The following ARAP1 variants were observed in gnomAD, a reference collection of about 807,000 sequenced individuals.
ARAP1 encodes arf-GAP with Rho-GAP domain, ANK repeat and PH domain-containing protein 1.
A neutral mutation model predicts 172.2 loss-of-function variants in ARAP1; 76 were observed. The observed-to-expected ratio is 0.44, with a 90% CI of 0.37 to 0.53. ARAP1 has a LOEUF of 0.53. Ranked by LOEUF, ARAP1 falls within the 20% of genes least tolerant of loss-of-function variation. The pLI is 0.00. For synonymous variants in ARAP1, 804 were observed against 803.3 expected (o/e 1.00, Z -0.01); for missense variants, 1,686 against 1,977.5 (o/e 0.85, Z 2.80).
rs1364831787 is a variant in ARAP1, at chr11:72,695,884, G to A, written c.3273-19C>T. 6.2e-7 allele frequency: 1 copy of A among 1,602,612 alleles called. No individual in the cohort carries two copies. ...CTGAACACTGGAGAGGGGAGGAGGA[G>A]GGCTTTGAGTGAGGAGTCAGGCCAG... On this transcript the variant is annotated intron_variant, in intron 23 of 34. Transcript: ENST00000393609. The surrounding 1 kb of genome is among the most constrained non-coding windows in gnomAD (Gnocchi z 4.4).
At chr11:72,739,896 T>G (rs67809272) in intron 1 of ARAP1, among the ~76,000 whole-genome samples, 4 of 152,018 alleles carry the variant, frequency 2.6e-5, no homozygotes, top group Non-Finnish European at 4.4e-5. Context: ...CATGTCCCCC[T>G]GCAGAGCTCC....
chr11:72,729,374 C>T (rs1007410621), intron 2 of ARAP1, among the ~76,000 whole-genome samples: 3 of 152,180 alleles, frequency 2.0e-5, no homozygotes, highest in African/African-American at 7.2e-5. Flanking sequence ...GGCAGATCCC[C>T]TGAGGTCAGG....
At chr11:72,713,050 T>G (rs530543157) in intron 5 of ARAP1, 126 bp downstream of exon 5, 1 of 985,172 alleles carries the variant, frequency 1.0e-6, no homozygotes, top group African/African-American at 1.6e-5. Context: ...GAGAGTGAGG[T>G]GGGGGAAGGG....
At chr11:72,707,465 G>C in intron 11 of ARAP1, 91 bp from the exon 12 acceptor site, 1 of 1,253,866 alleles carries the variant, frequency 8.0e-7, no homozygotes, top group African/African-American at 1.5e-5. Context: ...TGGGGGACAA[G>C]GTGTTGGGAG....
intron 1 of ARAP1, among the ~76,000 whole-genome samples, chr11:72,744,491 C>A (rs557440357): frequency 6.6e-6 from 1 of 152,300 alleles, no homozygotes; most frequent in East Asian, 1.9e-4. Context: ...TACCACACAA[C>A]CCAACCACCT....
intron 3 of ARAP1, among the ~76,000 whole-genome samples, chr11:72,715,279 C>A (rs545593344): frequency 6.6e-6 from 1 of 152,262 alleles, no homozygotes; most frequent in Non-Finnish European, 1.5e-5. Context: ...CAGGCTGGAA[C>A]AAGGTGCCTG....
intron 30 of ARAP1, among the ~76,000 whole-genome samples, chr11:72,689,860 G>C (rs1855864656): frequency 6.6e-6 from 1 of 152,190 alleles, no homozygotes; most frequent in Admixed American, 6.5e-5. Context: ...AGGAAATCAG[G>C]CTTCGGACAT....
intron 3 of ARAP1, among the ~76,000 whole-genome samples, chr11:72,720,536 G>A (rs921706633): frequency 3.9e-5 from 6 of 152,132 alleles, no homozygotes; most frequent in African/African-American, 1.4e-4. Flanking sequence ...TCCCAGCACA[G>A]AAGGGGCTTT....
At chr11:72,717,811 C>A (rs545910742) in intron 3 of ARAP1, among the ~76,000 whole-genome samples, 1 of 152,298 alleles carries the variant, frequency 6.6e-6, no homozygotes, top group African/African-American at 2.4e-5. Flanking sequence ...AACCGAGGCA[C>A]AGGGATGCTA....
rs1438948439 is a variant in ARAP1 at position 72,685,667 on chromosome 11, G to T, written c.4350C>A (p.Val1450=). 1.2e-6 allele frequency: 2 copies of T among 1,614,014 alleles called. No individual in the cohort carries two copies. Among genetic ancestry groups the T allele is most frequent in the African/African-American group, 2.7e-5 (2 of 74,952 alleles). Residue 1450 remains valine (V), a synonymous_variant, in exon 35 of 35, where the codon GTC becomes GTA. Transcript: ENST00000393609. ...TADPLSLLRN[V] is the part of the protein sequence containing the mutation. ...AGCCAAGGATGGGCTCCTGTGCTCA[G>T]ACGTTGCGCAGAAGCTGCAGGAAGG...
intron 3 of ARAP1, among the ~76,000 whole-genome samples, chr11:72,715,393 T>C (rs965877160): frequency 6.6e-6 from 1 of 152,084 alleles, no homozygotes; most frequent in Non-Finnish European, 1.5e-5. Flanking sequence ...TCTGTTGCCC[T>C]GGTGTTCCTG....
rs1300976761 is a variant in ARAP1 at position 72,710,082 on chromosome 11, G to T, written c.1417-106C>A. The T allele has an allele frequency of 5.8e-6, 6 of 1,042,476 alleles. No individual in the cohort carries two copies. Among genetic ancestry groups the T allele is most frequent in the African/African-American group, 1.6e-5 (1 of 63,678 alleles). The allele number at this position is 1,042,476 out of a possible 1,614,324, so 64.6% of individuals were successfully genotyped here. On this transcript the variant is annotated intron_variant, in intron 10 of 34. Coordinates refer to ENST00000393609, the MANE Select transcript of ARAP1 (RefSeq NM_001040118.3). The surrounding 1 kb of genome is among the most constrained non-coding windows in gnomAD (Gnocchi z 4.3). ...TGGTGCAACTCAGGGACTGGGGGGG[G>T]TGCCCAGGAGGGAGACAGCAGGGGA...
chr11:72,708,433 C>T (rs756236209), intron 11 of ARAP1: 36 of 153,262 alleles, frequency 2.3e-4, no homozygotes, highest in Non-Finnish European at 4.7e-4. Flanking sequence ...AACCCAGGAA[C>T]GGACAGGCCT....
chr11:72,708,823 G>A (rs1856882443), intron 11 of ARAP1, among the ~76,000 whole-genome samples: 1 of 152,174 alleles, frequency 6.6e-6, no homozygotes, highest in Non-Finnish European at 1.5e-5. Context: ...GATCACCTGA[G>A]GTCAGGAGTT....
rs1188944766 is a variant in ARAP1 at position 72,686,135 on chromosome 11, C to G, written c.4242G>C (p.Glu1414Asp). The change falls in exon 34 of 35, where the codon GAG becomes GAC. Residue 1414 changes from glutamate (E) to aspartate (D), a missense_variant. Glu to Asp is a conservative substitution (Grantham distance 45). This residue lies in a region of ARAP1 where 379 missense variants were observed against 500.1 expected (regional missense o/e 0.76). Coordinates refer to ENST00000393609, the MANE Select transcript of ARAP1 (RefSeq NM_001040118.3). ...TCAGTGACACACTACCCAGCCGGAC[C>G]TCAGGCACTGCCCGGGACACGCGTG... is the stretch of plus-strand genomic sequence containing the variant. ...EPSRVSRAVP[E>D]VRLGSVSLIP... The G allele has an allele frequency of 6.2e-7, 1 of 1,614,030 alleles. No individual in the cohort carries two copies. The highest frequency in any genetic ancestry group is 1.3e-5 in the African/African-American group (1 of 75,050).
Position 72,712,212 on chromosome 11 carries a change from T to C in ARAP1, c.1006A>G (p.Lys336Glu). The C allele has an allele frequency of 6.2e-7, 1 of 1,605,724 alleles. No homozygotes were observed. The highest frequency in any genetic ancestry group is 8.5e-7 in the Non-Finnish European group (1 of 1,177,464). The change falls in exon 7 of 35, where the codon AAG (lysine) becomes GAG (glutamate). Residue 336 changes from lysine to glutamate, a missense_variant. By Grantham distance (56) the Lys-to-Glu change is moderately conservative. Transcript: ENST00000393609. ...CTCACTCACCCCTGCGGTGGGTTCT[T>C]GTCCAGCCAGCCAGCCTTGATGACT... ...TPVIKAGWLDKNPPQGSYIYQ... is the reference protein window; with the variant it reads ...TPVIKAGWLDENPPQGSYIYQ...
chr11:72,702,989 G>T lies in ARAP1; in HGVS notation c.2083C>A (p.Pro695Thr), dbSNP rs1288706554. ...AGAGCCAGGGGCGTGGGGGCCTCAG[G>T]GTCCCCCGAGAAGCAGTTGATCCCA... is the stretch of plus-strand genomic sequence containing the variant. ...GAGINCFSGD[P>T]EAPTPLALAE... is the part of the protein sequence containing the mutation. Residue 695 changes from proline (P) to threonine (T), a missense_variant, in exon 15 of 35, where the codon CCT becomes ACT. Transcript: ENST00000393609. The T allele has an allele frequency of 1.3e-6, 2 of 1,570,526 alleles. No homozygotes were observed. Among genetic ancestry groups the T allele is most frequent in the Middle Eastern group, 1.7e-4 (1 of 5,928 alleles).
intron 14 of ARAP1, 149 bp downstream of exon 14, chr11:72,704,003 G>A: frequency 2.8e-6 from 3 of 1,088,192 alleles, no homozygotes; most frequent in Non-Finnish European, 3.9e-6. Context: ...GGCTTAGGCA[G>A]GGCCCTTCTG....
intron 5 of ARAP1, chr11:72,712,882 A>C: frequency 1.7e-6 from 1 of 599,104 alleles, no homozygotes. Flanking sequence ...AAACAGAGAC[A>C]GACACTCCGG....
Sources: gnomAD v4.1 joint callset for allele counts (sites outside exome capture counted in the v4.1 genomes callset) on GRCh38, gnomAD v4.1.1 for gene constraint, gnomAD v4.1.1 regional missense constraint, Gnocchi (gnomAD v3.1) non-coding constraint, MANE v1.5 for transcripts, NCBI Gene and HGNC (gene_info 2026-07-23, HGNC 2026-07-21) for gene names.